The following TENM3 variants were observed in gnomAD, a reference collection of about 807,000 sequenced individuals.
The protein encoded by TENM3 is teneurin transmembrane protein 3, also known as teneurin-3.
TENM3 carries 63 observed loss-of-function variants against 255.1 expected under a neutral mutation model. The ratio of observed to expected loss-of-function variants is 0.25; its 90% CI spans 0.20 to 0.30. The LOEUF (loss-of-function observed/expected upper bound fraction) is 0.30, where lower values mean the gene tolerates loss of function less well. Ranked by LOEUF, TENM3 falls within the 10% of genes least tolerant of loss-of-function variation. The pLI, the probability that TENM3 is intolerant of heterozygous loss-of-function variation, is 1.00. For synonymous variants in TENM3, 1,306 were observed against 1,322.3 expected (o/e 0.99, Z 0.27); for missense variants, 2,929 against 3,461.1 (o/e 0.85, Z 3.86).
intron 3 of TENM3, among the ~76,000 whole-genome samples, chr4:182,600,187 G>C (rs1434442342): frequency 6.6e-6 from 1 of 152,152 alleles, no homozygotes; most frequent in Non-Finnish European, 1.5e-5. Context: ...TCAGAATGTA[G>C]TTACACTGCT....
chr4:181,454,176 A>G, the TENM3 span, among the ~76,000 whole-genome samples: 77 of 152,272 alleles, frequency 5.1e-4, 1 homozygote, highest in East Asian at 0.014. Flanking sequence ...AAATAACTTT[A>G]CAAGGCTTCC....
chr4:182,240,087 T>C (rs1757147374), upstream of TENM3, among the ~76,000 whole-genome samples: 1 of 152,104 alleles, frequency 6.6e-6, no homozygotes, highest in Admixed American at 6.5e-5. Flanking sequence ...ATGACTGCAG[T>C]GGGGGAACTT....
chr4:182,666,686 C>T (rs919142269), intron 6 of TENM3, among the ~76,000 whole-genome samples: 6 of 152,054 alleles, frequency 3.9e-5, no homozygotes, highest in Non-Finnish European at 5.9e-5. Context: ...CGCTTGAGTC[C>T]AAGAGTTTTA....
chr4:181,724,977 C>A, the TENM3 span, among the ~76,000 whole-genome samples: 3 of 152,166 alleles, frequency 2.0e-5, no homozygotes, highest in African/African-American at 7.2e-5. Flanking sequence ...ATACCTATTT[C>A]TTTAATTCCA....
At chr4:181,619,763 C>A in the TENM3 span, among the ~76,000 whole-genome samples, 1 of 152,092 alleles carries the variant, frequency 6.6e-6, no homozygotes, top group Admixed American at 6.6e-5. Context: ...ATGCGCATGT[C>A]AACCTGCAGT....
At chr4:181,683,323 G>A in the TENM3 span, among the ~76,000 whole-genome samples, 2 of 152,096 alleles carry the variant, frequency 1.3e-5, no homozygotes, top group South Asian at 2.1e-4. Context: ...GAGCAAAGGT[G>A]CAAGTCAAGC....
At chr4:181,910,687 G>A in the TENM3 span, among the ~76,000 whole-genome samples, 2 of 150,682 alleles carry the variant, frequency 1.3e-5, no homozygotes, top group Admixed American at 6.7e-5. Context: ...ATGTTGTCCA[G>A]GCTAGTCTGG....
chr4:181,996,794 C>T, the TENM3 span, among the ~76,000 whole-genome samples: 7 of 152,088 alleles, frequency 4.6e-5, no homozygotes, highest in Admixed American at 1.3e-4. Flanking sequence ...GTACTGGATA[C>T]GGGAACAAGG....
At chr4:181,613,593 T>C in the TENM3 span, among the ~76,000 whole-genome samples, 11 of 152,286 alleles carry the variant, frequency 7.2e-5, no homozygotes, top group East Asian at 1.9e-4. Context: ...GCTGACTTTG[T>C]ATTATGTCTC....
intron 1 of TENM3, among the ~76,000 whole-genome samples, chr4:182,231,788 G>A (rs1275985569): frequency 1.3e-5 from 2 of 152,168 alleles, no homozygotes; most frequent in Non-Finnish European, 2.9e-5. Flanking sequence ...CCGAGCCTGG[G>A]ATGCACCCGA....
At chr4:182,270,704 G>C (rs2726783) in intron 1 of TENM3, among the ~76,000 whole-genome samples, 152,052 of 152,362 alleles carry the variant, frequency 1, 75,882 homozygotes, top group Middle Eastern at 1. Context: ...GAGACCTAAG[G>C]TACACACTCA....
At chr4:181,591,427 T>C in the TENM3 span, among the ~76,000 whole-genome samples, 4 of 152,224 alleles carry the variant, frequency 2.6e-5, no homozygotes, top group East Asian at 7.7e-4. Context: ...TGTACGTGAA[T>C]GTTCATAGCA....
intron 1 of TENM3, among the ~76,000 whole-genome samples, chr4:182,246,579 A>G (rs1162271318): frequency 1.3e-5 from 2 of 152,194 alleles, no homozygotes; most frequent in Non-Finnish European, 2.9e-5. Flanking sequence ...ATTCTGCAGC[A>G]CGATCCCATC....
the TENM3 span, among the ~76,000 whole-genome samples, chr4:182,045,832 G>A: frequency 6.6e-6 from 1 of 152,074 alleles, no homozygotes; most frequent in Non-Finnish European, 1.5e-5. Context: ...GACAATCGCT[G>A]GAGCCCAGGA....
the TENM3 span, among the ~76,000 whole-genome samples, chr4:181,574,484 T>C: frequency 5.3e-5 from 8 of 150,372 alleles, no homozygotes; most frequent in African/African-American, 1.7e-4. Context: ...TGAGCCGAGA[T>C]CGTGCCACTG....
chr4:182,663,029 A>G (rs1754358303), intron 6 of TENM3, among the ~76,000 whole-genome samples: 1 of 152,224 alleles, frequency 6.6e-6, no homozygotes, highest in Admixed American at 6.5e-5. Flanking sequence ...TGGATCTTGC[A>G]GAGAAAAATC....
At chr4:181,599,005 G>T in the TENM3 span, among the ~76,000 whole-genome samples, 2 of 152,178 alleles carry the variant, frequency 1.3e-5, no homozygotes, top group Admixed American at 1.3e-4. Context: ...CCAATGGACA[G>T]TCTAACTACC....
the TENM3 span, among the ~76,000 whole-genome samples, chr4:181,616,534 A>T: frequency 2.0e-5 from 3 of 151,026 alleles, no homozygotes; most frequent in Non-Finnish European, 4.4e-5. Flanking sequence ...CATTATCCAT[A>T]TAATACATGT....
At chr4:182,351,436 A>G (rs6814097) in intron 3 of TENM3, among the ~76,000 whole-genome samples, 51,267 of 152,016 alleles carry the variant, frequency 0.34, 9,295 homozygotes, top group East Asian at 0.53. Flanking sequence ...CAGGGCTCAC[A>G]TTCTTTCATT....
Sources: allele counts gnomAD v4.1 joint callset (sites outside exome capture counted in the v4.1 genomes callset), GRCh38; gene constraint gnomAD v4.1.1; transcripts MANE v1.5; gene names NCBI Gene and HGNC (gene_info 2026-07-23, HGNC 2026-07-21).